The following PKHD1 variants were observed in gnomAD, a reference collection of about 807,000 sequenced individuals.
The protein encoded by PKHD1 is fibrocystin.
Under a neutral mutation model 412.0 loss-of-function variants are expected in PKHD1, and 291 were observed. The ratio of observed to expected loss-of-function variants is 0.71; its 90% confidence interval spans 0.64 to 0.78. PKHD1 has a LOEUF of 0.78. Ranked by LOEUF, PKHD1 falls within the 30% of genes least tolerant of loss-of-function variation. The probability of loss-of-function intolerance (pLI) is 0.00; values close to 1 mark genes in which losing one functional copy is unlikely to be tolerated. For missense variants in PKHD1, 4,825 were observed against 4,950.7 expected (o/e 0.97, Z 0.76); for synonymous variants, 1,777 against 1,821.5 (o/e 0.98, Z 0.62).
In PKHD1 at chr6:51,830,738, A is replaced by G; in HGVS notation, c.8302+123T>C. The G allele has an allele frequency of 3.2e-6, 3 of 935,310 alleles. No homozygotes were observed. In the South Asian group the frequency reaches 4.3e-5, roughly 13 times the overall value. 57.9% of individuals were successfully genotyped at this position (935,310 alleles called of 1,614,324 possible). On this transcript the variant is annotated intron_variant, in intron 52 of 66. Transcript: ENST00000371117. ...AACCCCCCCAAAAAGAGGAAGAATG[A>G]AACAACATAAGTGCCTACTTATTTC...
intron 36 of PKHD1, 121 bp from the exon 37 acceptor site, chr6:51,934,443 AT>A: frequency 2.7e-6 from 2 of 728,374 alleles, no homozygotes; most frequent in East Asian, 5.3e-5. Flanking sequence ...GACTTATTTT[AT>A]CATGCTCTCT....
intron 37 of PKHD1, among the ~76,000 whole-genome samples, chr6:51,919,868 T>C (rs1340997958): frequency 6.6e-6 from 1 of 152,254 alleles, no homozygotes; most frequent in Admixed American, 6.5e-5. Context: ...GTTGGATTCC[T>C]AGGTATTTTA....
intron 23 of PKHD1, among the ~76,000 whole-genome samples, chr6:52,048,111 G>T (rs1806154334): frequency 6.6e-6 from 1 of 152,208 alleles, no homozygotes; most frequent in Non-Finnish European, 1.5e-5. Flanking sequence ...AGAGGCAGGA[G>T]CAAATACTTC....
At chr6:52,072,002 T>TA (rs1554223857) in intron 8 of PKHD1, 113 bp downstream of exon 8, 42 of 747,114 alleles carry the variant, frequency 5.6e-5, no homozygotes, top group Non-Finnish European at 9.3e-5. Context: ...ATTTATATTT[T>TA]AAAAAAACAG....
chr6:51,668,643 T>G (rs1277097069), intron 60 of PKHD1, among the ~76,000 whole-genome samples: 9 of 151,684 alleles, frequency 5.9e-5, no homozygotes, highest in South Asian at 2.1e-4. Flanking sequence ...AGGGAATGCT[T>G]CCAATTTTTG....
At chr6:51,811,902 T>C (rs1357553946) in intron 52 of PKHD1, among the ~76,000 whole-genome samples, 1 of 152,210 alleles carries the variant, frequency 6.6e-6, no homozygotes, top group African/African-American at 2.4e-5. Flanking sequence ...TATTTTTACA[T>C]TATTTTGAAC....
intron 35 of PKHD1, among the ~76,000 whole-genome samples, chr6:51,971,285 T>C (rs760367315): frequency 6.6e-6 from 1 of 152,238 alleles, no homozygotes. Flanking sequence ...TATGCCACTA[T>C]AAGGACCTTC....
chr6:51,884,910 G>A (rs763678522), intron 45 of PKHD1, among the ~76,000 whole-genome samples: 56 of 152,278 alleles, frequency 3.7e-4, no homozygotes, highest in Non-Finnish European at 6.9e-4. Flanking sequence ...AAAATTAAAT[G>A]AGAACAAAAT....
intron 37 of PKHD1, among the ~76,000 whole-genome samples, chr6:51,924,763 G>C (rs1019725468): frequency 6.6e-6 from 1 of 152,150 alleles, no homozygotes; most frequent in African/African-American, 2.4e-5. Context: ...TGACAACCAG[G>C]TTTCTAGCTG....
chr6:51,797,586 T>C (rs112002452), intron 52 of PKHD1, among the ~76,000 whole-genome samples: 16,003 of 152,232 alleles, frequency 0.11, 904 homozygotes, highest in East Asian at 0.14. Context: ...TTTTTGTTGG[T>C]TTAAAGTCCA....
At chr6:51,715,923 G>A (rs1183949428) in intron 60 of PKHD1, among the ~76,000 whole-genome samples, 8 of 152,270 alleles carry the variant, frequency 5.3e-5, no homozygotes, top group East Asian at 1.9e-4. Flanking sequence ...AATGGAGTCC[G>A]GAAGCCCAGA....
intron 36 of PKHD1, among the ~76,000 whole-genome samples, chr6:51,954,324 T>C (rs1790799310): frequency 6.6e-6 from 1 of 152,092 alleles, no homozygotes; most frequent in Non-Finnish European, 1.5e-5. Flanking sequence ...GGTATCACCT[T>C]AATGAGGAAA....
chr6:52,026,210 T>C, intron 31 of PKHD1, 29 bp from the exon 32 acceptor site: 1 of 1,600,216 alleles, frequency 6.2e-7, no homozygotes, highest in East Asian at 2.2e-5. Context: ...AAGCAAAATA[T>C]TATAGCTGAT....
chr6:51,874,825 T>C lies in PKHD1; in HGVS notation c.7351-4186A>G, dbSNP rs1037013232. ...CAGCGTGAGCGACGCAGAAGACGGGTGATTTCTGCATTTCCATCTGAGGTA... is the reference window on the plus strand; with the variant it reads ...CAGCGTGAGCGACGCAGAAGACGGGCGATTTCTGCATTTCCATCTGAGGTA... On this transcript the variant is annotated intron_variant, in intron 46 of 66. Transcript: ENST00000371117. Among the ~76,000 whole-genome samples the C allele has an allele frequency of 3.7e-5, 4 of 108,768 alleles. 1 individual carries two copies. The highest frequency in any genetic ancestry group is 1.1e-4 in the Admixed American group (1 of 8,726). 71.4% of individuals were successfully genotyped at this position (108,768 alleles called of 152,430 possible). A position where few individuals can be genotyped will look rare whatever the true frequency, so the allele number is the denominator to read the frequency against.
chr6:52,074,211 C>T (rs1252843379), intron 6 of PKHD1, among the ~76,000 whole-genome samples: 1 of 152,192 alleles, frequency 6.6e-6, no homozygotes, highest in Non-Finnish European at 1.5e-5. Flanking sequence ...GACTGAGCCT[C>T]TTTATAGACA....
chr6:52,037,999 T>C (rs1335257721), intron 27 of PKHD1, among the ~76,000 whole-genome samples: 1 of 152,108 alleles, frequency 6.6e-6, no homozygotes, highest in Non-Finnish European at 1.5e-5. Context: ...TATTCAGAAA[T>C]GGGATCTTAG....
chr6:51,680,993 C>T (rs1369329099), intron 60 of PKHD1, among the ~76,000 whole-genome samples: 1 of 151,960 alleles, frequency 6.6e-6, no homozygotes, highest in Non-Finnish European at 1.5e-5. Flanking sequence ...TAAGGATTGA[C>T]AGAAAACCAA....
At chr6:51,760,122 TATAATA>T (rs1020968333) in intron 55 of PKHD1, among the ~76,000 whole-genome samples, 2 of 152,126 alleles carry the variant, frequency 1.3e-5, no homozygotes, top group Non-Finnish European at 2.9e-5. Flanking sequence ...ACTAAGTTGT[TATAATA>T]ATAAAGTTTG....
intron 52 of PKHD1, among the ~76,000 whole-genome samples, chr6:51,812,004 T>G (rs4715244): frequency 0.84 from 127,451 of 152,154 alleles, 53,742 homozygotes; most frequent in East Asian, 0.97. Flanking sequence ...TAGCCATATA[T>G]AATTAGATGT....
Sources: gnomAD v4.1 joint callset for allele counts (sites outside exome capture counted in the v4.1 genomes callset) on GRCh38, gnomAD v4.1.1 for gene constraint, MANE v1.5 for transcripts, NCBI Gene and HGNC (gene_info 2026-07-23, HGNC 2026-07-21) for gene names.